Variants in CHN2 observed in about 807,000 individuals in gnomAD.
CHN2 encodes chimerin 2, also known as beta-chimaerin.
CHN2 carries 35 observed loss-of-function variants against 56.3 expected under a neutral mutation model. The observed-to-expected ratio is 0.62, with a 90% CI of 0.47 to 0.82. The LOEUF is 0.82. Among genes scored for constraint, CHN2 ranks in the 40% least tolerant of loss-of-function variants. The pLI is 0.00. For missense variants in CHN2, 491 were observed against 580.5 expected (o/e 0.85, Z 1.58); for synonymous variants, 210 against 212.8 (o/e 0.99, Z 0.12).
chr7:29,299,210 C>T (rs10215419), intron 1 of CHN2, among the ~76,000 whole-genome samples: 50,633 of 151,822 alleles, frequency 0.33, 8,691 homozygotes, highest in African/African-American at 0.39. Flanking sequence ...GTAGACCGGT[C>T]GGAGTTTCTC....
intron 1 of CHN2, among the ~76,000 whole-genome samples, chr7:29,281,881 ATGT>A (rs1213919020): frequency 1.3e-5 from 2 of 152,102 alleles, no homozygotes; most frequent in African/African-American, 4.8e-5. Context: ...AACACATCTC[ATGT>A]TGTGCCTGAG....
intron 1 of CHN2, among the ~76,000 whole-genome samples, chr7:29,255,772 G>A (rs947889206): frequency 5.9e-5 from 9 of 152,166 alleles, no homozygotes; most frequent in Non-Finnish European, 1.0e-4. Flanking sequence ...TGGAGAATTG[G>A]ACTGGTTTAC....
In CHN2 at chr7:29,252,583, T is replaced by TTTTG. The variant is rs1215774872; in HGVS notation, c.49+57596_49+57597insGTTT. 1.8e-3 allele frequency among the ~76,000 whole-genome samples: 34 copies of TTTTG among 19,226 alleles called. 7 individuals are homozygous for TTTTG. The African/African-American group carries it at 0.023, about 13-fold the overall frequency. The allele number at this position is 19,226 out of a possible 152,430, so 12.6% of individuals were successfully genotyped here. A position where few individuals can be genotyped will look rare whatever the true frequency, so the allele number is the denominator to read the frequency against. On this transcript the variant is annotated intron_variant, in intron 1 of 12. Coordinates refer to ENST00000222792, the MANE Select transcript of CHN2 (RefSeq NM_004067.4). ...TGTCTAAAATTGCATTCTTTGTTTT[T>TTTTG]TTTTTTTTTTTTTTTTTTTTTTTGA...
At chr7:29,468,639 A>G (rs944272566) in intron 6 of CHN2, among the ~76,000 whole-genome samples, 2 of 152,110 alleles carry the variant, frequency 1.3e-5, no homozygotes, top group African/African-American at 4.8e-5. Context: ...CTGGCTGTAC[A>G]GTAGTCTCTG....
At chr7:29,427,232 CTT>C (rs1804957835) in intron 6 of CHN2, among the ~76,000 whole-genome samples, 1 of 152,206 alleles carries the variant, frequency 6.6e-6, no homozygotes, top group Admixed American at 6.5e-5. Flanking sequence ...ACAAGAATCT[CTT>C]CAACCTGGGA....
rs1475997521 is a variant in CHN2 at position 29,365,356 on chromosome 7, C to T, written c.89-2576C>T. Among the ~76,000 whole-genome samples, 8 of 152,170 alleles carry T rather than the reference C, an allele frequency of 5.3e-5. No homozygotes were observed. The South Asian group carries it at 6.2e-4, about 12-fold the overall frequency. On this transcript the variant is annotated intron_variant, in intron 2 of 12. Coordinates refer to ENST00000222792, the MANE Select transcript of CHN2 (RefSeq NM_004067.4). ...CAAAAACAAGCATGATCCCTTCCTT[C>T]GTGGCAGGACTTACAACATGCAGGG... is the stretch of plus-strand genomic sequence containing the variant.
chr7:29,169,861 CGTGT>C (rs71555785), intron 2 of CHN2, among the ~76,000 whole-genome samples: 2 of 147,924 alleles, frequency 1.4e-5, no homozygotes, highest in East Asian at 2.0e-4. Context: ...AGTATATATA[CGTGT>C]GTGTGTGTGT....
chr7:29,372,360 A>G (rs1486038211), intron 3 of CHN2, among the ~76,000 whole-genome samples: 1 of 152,132 alleles, frequency 6.6e-6, no homozygotes, highest in Non-Finnish European at 1.5e-5. Context: ...TAAACTCCAT[A>G]AAAAAGTAGC....
At chr7:29,486,480 T>A (rs765319063) in intron 7 of CHN2, among the ~76,000 whole-genome samples, 3 of 152,128 alleles carry the variant, frequency 2.0e-5, no homozygotes, top group Non-Finnish European at 4.4e-5. Flanking sequence ...CAATCCCCAT[T>A]TGCCAGGGAT....
intron 1 of CHN2, among the ~76,000 whole-genome samples, chr7:29,213,689 G>A (rs1329070164): frequency 6.6e-6 from 1 of 151,896 alleles, no homozygotes; most frequent in South Asian, 2.1e-4. Flanking sequence ...ACCTTTTTTG[G>A]TTCTGTTTTA....
At chr7:29,300,255 A>G (rs3793299) in intron 1 of CHN2, among the ~76,000 whole-genome samples, 50,943 of 152,052 alleles carry the variant, frequency 0.34, 8,838 homozygotes, top group African/African-American at 0.4. Flanking sequence ...ACCAGATGCA[A>G]TAGACCAAAT....
chr7:29,263,455 A>G (rs886072309), intron 1 of CHN2, among the ~76,000 whole-genome samples: 1 of 150,528 alleles, frequency 6.6e-6, no homozygotes, highest in Non-Finnish European at 1.5e-5. Flanking sequence ...GCCACCCCGT[A>G]TAGGAAGTGA....
chr7:29,323,092 C>T (rs911941595), intron 1 of CHN2, among the ~76,000 whole-genome samples: 36 of 152,054 alleles, frequency 2.4e-4, no homozygotes, highest in Admixed American at 2.6e-4. Flanking sequence ...AGGCAGAGGT[C>T]GCAGTTGAGC....
chr7:29,249,318 G>A (rs1382530105), intron 1 of CHN2, among the ~76,000 whole-genome samples: 1 of 152,138 alleles, frequency 6.6e-6, no homozygotes, highest in African/African-American at 2.4e-5. Flanking sequence ...AGGGAGCCTG[G>A]GCTTATTGTT....
rs73309003 is a variant in CHN2, at chr7:29,443,362, T to C, written c.577-36917T>C. ...ACAGCAGATCACATATATGACAGCA[T>C]AGCCTAGGTACATAGTAGGCTCTGC... On this transcript the variant is annotated intron_variant, in intron 6 of 12. Transcript: ENST00000222792. Among the ~76,000 whole-genome samples the C allele has an allele frequency of 2.4e-3, 371 of 152,332 alleles. 3 individuals are homozygous for C. The highest frequency in any genetic ancestry group is 8.6e-3 in the African/African-American group (358 of 41,576).
chr7:29,237,789 C>G (rs1375637626), intron 1 of CHN2, among the ~76,000 whole-genome samples: 2 of 152,070 alleles, frequency 1.3e-5, no homozygotes, highest in Non-Finnish European at 2.9e-5. Context: ...GACCAGTGGA[C>G]AAAGGAGGGG....
At chr7:29,207,963 TATAAATAGTA>T (rs909330097) in intron 1 of CHN2, among the ~76,000 whole-genome samples, 3 of 152,218 alleles carry the variant, frequency 2.0e-5, no homozygotes, top group African/African-American at 7.2e-5. Flanking sequence ...TATGAGTGAT[TATAAATAGTA>T]AATTTTCTAG....
chr7:29,286,184 C>A (rs373578900), intron 1 of CHN2, among the ~76,000 whole-genome samples: 1 of 151,080 alleles, frequency 6.6e-6, no homozygotes, highest in East Asian at 1.9e-4. Flanking sequence ...CATTCCCCCC[C>A]GCCCCCCATG....
chr7:29,419,761 G>A (rs1490972229), intron 6 of CHN2, among the ~76,000 whole-genome samples: 1 of 152,172 alleles, frequency 6.6e-6, no homozygotes, highest in Non-Finnish European at 1.5e-5. Flanking sequence ...AATCATTAAG[G>A]AAATGCAAAT....
Sources: allele counts gnomAD v4.1 joint callset (sites outside exome capture counted in the v4.1 genomes callset), GRCh38; gene constraint gnomAD v4.1.1; transcripts MANE v1.5; gene names NCBI Gene and HGNC (gene_info 2026-07-23, HGNC 2026-07-21).